The following ANTXRL variants were observed in gnomAD, a reference collection of about 807,000 sequenced individuals.
ANTXRL encodes anthrax toxin receptor-like.
Under a neutral mutation model 75.4 loss-of-function variants are expected in ANTXRL, and 63 were observed. That is an observed-to-expected ratio of 0.84 (90% CI 0.68 to 1.03). ANTXRL has a LOEUF of 1.03. ANTXRL is among the 50% of genes least tolerant of loss of function. The pLI is 0.00. For synonymous variants in ANTXRL, 335 were observed against 291.3 expected (o/e 1.15, Z -1.53); for missense variants, 797 against 789.4 (o/e 1.01, Z -0.12).
At chr10:46,311,364 G>A (rs1423796885) in intron 14 of ANTXRL, 146 bp from the exon 15 acceptor site, 2 of 1,166,028 alleles carry the variant, frequency 1.7e-6, no homozygotes, top group Non-Finnish European at 2.3e-6. Context: ...CCAACTAGGA[G>A]GAGTTTGCGT....
intron 16 of ANTXRL, among the ~76,000 whole-genome samples, chr10:46,324,559 T>C (rs528544142): frequency 6.6e-6 from 1 of 152,294 alleles, no homozygotes; most frequent in East Asian, 1.9e-4. Context: ...TTTAGTTAAA[T>C]CTCCTACAAT....
chr10:46,296,033 AC>A lies in ANTXRL; in HGVS notation c.408del (p.Asn136LysfsTer40). The A allele has an allele frequency of 6.5e-7, 1 of 1,535,898 alleles. No homozygotes were observed. The highest frequency in any genetic ancestry group is 2.4e-5 in the East Asian group (1 of 40,918). The part of the protein sequence containing the change: ...PLTSDKNRIK[N>X]GLDQLQKIVP... ...ATTTTTTTCAGGAATAGAATAAAAA[AC>A]GGTCTTGACCAACTTCAGAAAATTG... On this transcript the variant is annotated frameshift_variant, in exon 4 of 17. Coordinates refer to ENST00000620264, the MANE Select transcript of ANTXRL (RefSeq NM_001278688.3). LOFTEE classifies it high-confidence loss of function.
intron 12 of ANTXRL, among the ~76,000 whole-genome samples, chr10:46,307,813 C>T (rs149943306): frequency 3.7e-4 from 56 of 152,276 alleles, no homozygotes; most frequent in Non-Finnish European, 6.6e-4. Flanking sequence ...GACCCTGGCC[C>T]CTGAGCCTGC....
Position 46,313,277 on chromosome 10 carries a change from C to G in ANTXRL, c.1371C>G (p.Cys457Trp). ...TTTGTGACCTCTCTCACGCAAGCTG[C>G]CACCAGGTGCCATGGATGTGTTGTC... is the stretch of plus-strand genomic sequence containing the variant. ...DTFCDLSHAS[C>W]HQVPWMCCQS... The change falls in exon 16 of 17, where the codon TGC (cysteine) becomes TGG (tryptophan). Residue 457 changes from cysteine to tryptophan, a missense_variant. Around this residue, in one of 3 missense-constraint regions of ANTXRL, gnomAD observed 479 missense variants for 422.0 expected, o/e 1.14. Coordinates refer to ENST00000620264, the MANE Select transcript of ANTXRL (RefSeq NM_001278688.3). 1 of 1,535,892 alleles carries G rather than the reference C, an allele frequency of 6.5e-7. No individual in the cohort carries two copies. Among genetic ancestry groups the G allele is most frequent in the Non-Finnish European group, 8.7e-7 (1 of 1,146,714 alleles).
chr10:46,293,585 G>A, intron 2 of ANTXRL, among the ~76,000 whole-genome samples: 1 of 132,762 alleles, frequency 7.5e-6, no homozygotes, highest in East Asian at 2.0e-4. Flanking sequence ...GCGTGTGTGT[G>A]TGCAAGTGTC....
intron 12 of ANTXRL, among the ~76,000 whole-genome samples, chr10:46,307,963 C>A (rs1185663576): frequency 6.6e-6 from 1 of 152,266 alleles, no homozygotes; most frequent in South Asian, 2.1e-4. Context: ...GAAGGGGAGG[C>A]TCTCAGGCAC....
At chr10:46,295,510 G>GAGTTAGAGTTAGA (rs1554958274) in intron 3 of ANTXRL, among the ~76,000 whole-genome samples, 2 of 61,740 alleles carry the variant, frequency 3.2e-5, no homozygotes, top group African/African-American at 4.6e-5. Flanking sequence ...GTTAGAGTTA[G>GAGTTAGAGTTAGA]GAATGTCAAC....
intron 16 of ANTXRL, among the ~76,000 whole-genome samples, chr10:46,320,662 G>A (rs7070051): frequency 0.048 from 7,373 of 152,194 alleles, 607 homozygotes; most frequent in African/African-American, 0.17. Context: ...AACCCAGGAG[G>A]CAGAGGTTGC....
chr10:46,304,763 G>T (rs1325753612), intron 10 of ANTXRL, among the ~76,000 whole-genome samples: 2 of 152,166 alleles, frequency 1.3e-5, no homozygotes, highest in Admixed American at 6.6e-5. Flanking sequence ...TACAGTCCAT[G>T]TTGCAGGGCA....
intron 2 of ANTXRL, among the ~76,000 whole-genome samples, chr10:46,292,632 G>C (rs1554956844): frequency 6.6e-6 from 1 of 152,158 alleles, no homozygotes; most frequent in African/African-American, 2.4e-5. Context: ...ATTAGCTCAG[G>C]GAGGGCTGGG....
chr10:46,327,904 C>T (rs1464782850), intron 16 of ANTXRL, among the ~76,000 whole-genome samples: 1 of 152,298 alleles, frequency 6.6e-6, no homozygotes, highest in African/African-American at 2.4e-5. Context: ...GGCTGCTGCT[C>T]CTGCCCTGGT....
chr10:46,294,442 G>A (rs74129840), intron 3 of ANTXRL, among the ~76,000 whole-genome samples: 13,593 of 152,104 alleles, frequency 0.089, 1,612 homozygotes, highest in African/African-American at 0.27. Flanking sequence ...GGAGGAACAA[G>A]CTCAGGAGGC....
In ANTXRL at chr10:46,302,968, C is replaced by T. The variant is rs1554960931; in HGVS notation, c.895+148C>T. 9 of 653,048 alleles carry T rather than the reference C, an allele frequency of 1.4e-5. No individual in the cohort carries two copies. The African/African-American group carries it at 1.6e-4, about 12-fold the overall frequency. The allele number at this position is 653,048 out of a possible 1,614,324, so 40.5% of individuals were successfully genotyped here. A position where few individuals can be genotyped will look rare whatever the true frequency, so the allele number is the denominator to read the frequency against. On this transcript the variant is annotated intron_variant, in intron 10 of 16. Coordinates refer to ENST00000620264, the MANE Select transcript of ANTXRL (RefSeq NM_001278688.3). ...CCATGAGGACAAGTGGAAGGAGGCA[C>T]TGGGAAGGCCGGTCACCCCTCCCTT...
chr10:46,328,624 C>T lies in ANTXRL; in HGVS notation c.1411-975C>T, dbSNP rs368173318. Among the ~76,000 whole-genome samples the T allele has an allele frequency of 7.3e-3, 1,078 of 147,828 alleles. 1 individual carries two copies. The highest frequency in any genetic ancestry group is 0.024 in the Middle Eastern group (7 of 286). ...TTACAACTGAGCACATTGCCTCTCT[C>T]TTTTTTTTTTTAATTTTAAGTTCCG... On this transcript the variant is annotated intron_variant, in intron 16 of 16. Transcript: ENST00000620264.
intron 16 of ANTXRL, among the ~76,000 whole-genome samples, chr10:46,316,985 C>G (rs1838763479): frequency 6.6e-6 from 1 of 152,122 alleles, no homozygotes; most frequent in Non-Finnish European, 1.5e-5. Context: ...GACATGACAT[C>G]CTGTCCAGGG....
rs1837833367 is a variant in ANTXRL at position 46,302,796 on chromosome 10, A to G, written c.871A>G (p.Ile291Val). Reference sequence around the variant, plus strand: ...ACGGGATGAAGTTATTTGCAGATTTATCTTCAATGAAAGCACTATCATTGG... The same window carrying G: ...ACGGGATGAAGTTATTTGCAGATTTGTCTTCAATGAAAGCACTATCATTGG... The part of the protein sequence containing the change: ...KKRDEVICRF[I>V]FNESTIIDEK... Residue 291 changes from isoleucine to valine, a missense_variant, in exon 10 of 17, where the codon ATC (isoleucine) becomes GTC (valine). Ile to Val is a conservative substitution (Grantham distance 29, BLOSUM62 3). Transcript: ENST00000620264. 2 of 1,535,740 alleles carry G rather than the reference A, an allele frequency of 1.3e-6. No homozygotes were observed. The highest frequency in any genetic ancestry group is 1.7e-6 in the Non-Finnish European group (2 of 1,146,432).
At chr10:46,294,787 C>A (rs1251464315) in intron 3 of ANTXRL, among the ~76,000 whole-genome samples, 2 of 152,046 alleles carry the variant, frequency 1.3e-5, no homozygotes, top group Non-Finnish European at 2.9e-5. Flanking sequence ...CAGGGCATGG[C>A]CTCTTCTGGG....
intron 3 of ANTXRL, chr10:46,294,120 GT>G (rs1565017071): frequency 1.8e-6 from 1 of 560,396 alleles, no homozygotes; most frequent in Non-Finnish European, 3.2e-6. Flanking sequence ...TGCTCCAGAA[GT>G]TCTCAGCCTC....
intron 10 of ANTXRL, 122 bp downstream of exon 10, chr10:46,302,942 G>T (rs1251948847): frequency 2.6e-6 from 2 of 776,470 alleles, no homozygotes; most frequent in Non-Finnish European, 4.2e-6. Context: ...GGGGTTAGAG[G>T]CCATGAGGAC....
Sources: allele counts gnomAD v4.1 joint callset (sites outside exome capture counted in the v4.1 genomes callset), GRCh38; gene constraint gnomAD v4.1.1; regional missense constraint gnomAD v4.1.1; transcripts MANE v1.5; gene names NCBI Gene and HGNC (gene_info 2026-07-23, HGNC 2026-07-21).